PIKFYVE: variants seen among roughly 807,000 people sequenced by gnomAD.
PIKFYVE encodes phosphoinositide kinase, FYVE-type zinc finger containing, also known as 1-phosphatidylinositol 3-phosphate 5-kinase.
A neutral mutation model predicts 257.9 loss-of-function variants in PIKFYVE; 122 were observed. That is an observed-to-expected ratio of 0.47 (90% CI 0.41 to 0.55). The LOEUF is 0.55. Ranked by LOEUF, PIKFYVE falls within the 20% of genes least tolerant of loss-of-function variation. The pLI, the probability that PIKFYVE is intolerant of heterozygous loss-of-function variation, is 0.00. For missense variants in PIKFYVE, 2,160 were observed against 2,536.6 expected (o/e 0.85, Z 3.19); for synonymous variants, 892 against 868.9 (o/e 1.03, Z -0.47).
chr2:208,345,075 A>G lies in PIKFYVE; in HGVS notation c.5028-36A>G, dbSNP rs369745842. 33 of 1,359,348 alleles carry G rather than the reference A, an allele frequency of 2.4e-5. No individual in the cohort carries two copies. In the African/African-American group the frequency reaches 4.3e-4, roughly 18 times the overall value. 84.2% of individuals were successfully genotyped at this position (1,359,348 alleles called of 1,614,324 possible). A position where few individuals can be genotyped will look rare whatever the true frequency, so the allele number is the denominator to read the frequency against. ...ATGATTTACTTTTAAAGAAGAAGTT[A>G]ATGTTTAACGTTTTTCAACCTATTT... On this transcript the variant is annotated intron_variant, in intron 32 of 41. Coordinates refer to ENST00000264380, the MANE Select transcript of PIKFYVE (RefSeq NM_015040.4).
intron 24 of PIKFYVE, among the ~76,000 whole-genome samples, chr2:208,333,879 G>C (rs1370395694): frequency 6.6e-6 from 1 of 152,148 alleles, no homozygotes; most frequent in South Asian, 2.1e-4. Context: ...GTGTGCTCAA[G>C]TGATTCTCCT....
At chr2:208,324,306 G>T (rs375892130) in intron 18 of PIKFYVE, 24 bp downstream of exon 18, 2 of 1,609,494 alleles carry the variant, frequency 1.2e-6, no homozygotes, top group South Asian at 1.1e-5. Flanking sequence ...ATTTTCTATT[G>T]TATTTTAAAA....
At chr2:208,349,625 T>C (rs1002296153) in intron 35 of PIKFYVE, among the ~76,000 whole-genome samples, 6 of 151,600 alleles carry the variant, frequency 4.0e-5, no homozygotes, top group Non-Finnish European at 7.4e-5. Context: ...ATATTTTATA[T>C]AGCTTAGTAC....
At chr2:208,284,136 A>G (rs1443254707) in intron 5 of PIKFYVE, among the ~76,000 whole-genome samples, 1 of 152,204 alleles carries the variant, frequency 6.6e-6, no homozygotes, top group Non-Finnish European at 1.5e-5. Flanking sequence ...GAATCACTCA[A>G]AACAATGTTA....
intron 5 of PIKFYVE, 120 bp downstream of exon 5, chr2:208,277,828 C>T: frequency 9.7e-7 from 1 of 1,033,318 alleles, no homozygotes; most frequent in Non-Finnish European, 1.5e-6. Flanking sequence ...CATGGGGACA[C>T]AAAGGTGAGG....
intron 9 of PIKFYVE, 25 bp downstream of exon 9, chr2:208,301,119 A>G (rs373535388): frequency 3.4e-5 from 54 of 1,611,784 alleles, no homozygotes; most frequent in Non-Finnish European, 4.3e-5. Flanking sequence ...GAAGGTTTCA[A>G]TATTATTTGT....
At chr2:208,317,098 A>G (rs1382088917) in intron 15 of PIKFYVE, among the ~76,000 whole-genome samples, 4 of 148,204 alleles carry the variant, frequency 2.7e-5, no homozygotes, top group Non-Finnish European at 6.0e-5. Context: ...CTAAAACACC[A>G]AAAGCAACGG....
chr2:208,304,868 C>T lies in PIKFYVE; in HGVS notation c.1491C>T (p.Arg497=), dbSNP rs368839746. 1.3e-5 allele frequency: 21 copies of T among 1,614,072 alleles called. No homozygotes were observed. Among genetic ancestry groups the T allele is most frequent in the Non-Finnish European group, 1.7e-5 (20 of 1,180,028 alleles). Residue 497 remains arginine, a synonymous_variant, in exon 12 of 42, where the codon CGC becomes CGT. Transcript: ENST00000264380. Reference sequence around the variant, plus strand: ...AAGATTCTGCCAGTCCTAGCAAGCGCACATCAGTCAGCAGTTTCCAGTCCA... The same window carrying T: ...AAGATTCTGCCAGTCCTAGCAAGCGTACATCAGTCAGCAGTTTCCAGTCCA... ...NLANSASPSK[R]TSVSSFQSTV...
At chr2:208,328,075 A>G (rs1697136299) in intron 20 of PIKFYVE, 105 bp from the exon 21 acceptor site, 1 of 1,591,824 alleles carries the variant, frequency 6.3e-7, no homozygotes, top group Non-Finnish European at 8.5e-7. Context: ...CAGAGCCCCC[A>G]CAGTGATAAT....
intron 5 of PIKFYVE, among the ~76,000 whole-genome samples, chr2:208,280,679 TG>T (rs1690688566): frequency 6.6e-6 from 1 of 152,234 alleles, no homozygotes; most frequent in South Asian, 2.1e-4. Flanking sequence ...CTGGATCATC[TG>T]TAAGTGGCTC....
At chr2:208,272,243 AAAAT>A (rs1689527752) in intron 2 of PIKFYVE, among the ~76,000 whole-genome samples, 3 of 152,156 alleles carry the variant, frequency 2.0e-5, no homozygotes, top group Admixed American at 1.3e-4. Context: ...TCAAAAAATA[AAAAT>A]AAAATAAAAA....
chr2:208,342,523 G>C (rs1353954054), intron 31 of PIKFYVE, 31 bp from the exon 32 acceptor site: 1 of 1,520,876 alleles, frequency 6.6e-7, no homozygotes, highest in East Asian at 2.3e-5. Flanking sequence ...AGAGTACTTA[G>C]TTAACTTATG....
chr2:208,277,108 A>G (rs1182572880), intron 4 of PIKFYVE, among the ~76,000 whole-genome samples: 1 of 152,030 alleles, frequency 6.6e-6, no homozygotes, highest in Non-Finnish European at 1.5e-5. Context: ...AAGCTTTATT[A>G]TTTCTGTCAA....
At chr2:208,332,201 CAAAT>C (rs1458156665) in intron 23 of PIKFYVE, among the ~76,000 whole-genome samples, 8 of 152,048 alleles carry the variant, frequency 5.3e-5, no homozygotes, top group African/African-American at 9.7e-5. Flanking sequence ...GGCTACTAAA[CAAAT>C]AAATAAATGT....
intron 6 of PIKFYVE, among the ~76,000 whole-genome samples, chr2:208,286,859 G>A (rs1229336767): frequency 6.6e-6 from 1 of 152,030 alleles, no homozygotes; most frequent in African/African-American, 2.4e-5. Flanking sequence ...ATTTTGTTAA[G>A]CATAATACCA....
chr2:208,298,609 C>T lies in PIKFYVE; in HGVS notation c.912-32C>T, dbSNP rs771809475. ...TCTGTTTATTGAAGAAGAATTTACA[C>T]CTGTGATTTCACTTCTTGTTTTTAT... On this transcript the variant is annotated intron_variant, in intron 7 of 41. Transcript: ENST00000264380. 11 of 1,612,222 alleles carry T rather than the reference C, an allele frequency of 6.8e-6. No homozygotes were observed. The East Asian group carries it at 1.8e-4, about 26-fold the overall frequency.
At chr2:208,329,760 A>G in intron 21 of PIKFYVE, 82 bp from the exon 22 acceptor site, 1 of 1,565,244 alleles carries the variant, frequency 6.4e-7, no homozygotes. Flanking sequence ...TACATTTAAT[A>G]GGTAATCATA....
At chr2:208,343,046 C>T (rs940551412) in intron 32 of PIKFYVE, among the ~76,000 whole-genome samples, 6 of 152,216 alleles carry the variant, frequency 3.9e-5, no homozygotes, top group East Asian at 1.9e-4. Context: ...CCACCCACCT[C>T]GGCCTCCCAA....
intron 7 of PIKFYVE, among the ~76,000 whole-genome samples, chr2:208,296,384 A>C (rs1245093881): frequency 2.0e-5 from 3 of 152,198 alleles, no homozygotes. Context: ...CTTCAACAGA[A>C]AGACATCAAA....
Sources: gnomAD v4.1 joint callset for allele counts (sites outside exome capture counted in the v4.1 genomes callset) on GRCh38, gnomAD v4.1.1 for gene constraint, MANE v1.5 for transcripts, NCBI Gene and HGNC (gene_info 2026-07-23, HGNC 2026-07-21) for gene names.